Variants in WDR45B observed in about 807,000 individuals in gnomAD.
The protein encoded by WDR45B is WD repeat domain 45B, also known as WD repeat domain phosphoinositide-interacting protein 3.
Under a neutral mutation model 44.6 loss-of-function variants are expected in WDR45B, and 20 were observed. The observed-to-expected ratio is 0.45, with a 90% CI of 0.32 to 0.65. WDR45B has a LOEUF of 0.65. WDR45B is among the 30% of genes least tolerant of loss of function. The pLI is 0.05. For missense variants in WDR45B, 323 were observed against 430.2 expected, an observed-to-expected ratio of 0.75 and a Z score of 2.20; for synonymous variants, 169 against 164.9, an observed-to-expected ratio of 1.02 and a Z score of -0.19.
intron 2 of WDR45B, among the ~76,000 whole-genome samples, chr17:82,631,376 T>G (rs111375700): frequency 1.4e-5 from 2 of 142,658 alleles, no homozygotes; most frequent in Admixed American, 1.5e-4. Flanking sequence ...CTCCACCTCC[T>G]GGGTTCAAGC....
At chr17:82,641,355 G>A (rs890051423) in intron 2 of WDR45B, among the ~76,000 whole-genome samples, 8 of 152,176 alleles carry the variant, frequency 5.3e-5, no homozygotes, top group African/African-American at 9.7e-5. Flanking sequence ...GTGGTGTTAT[G>A]AGAGAGACAC....
intron 2 of WDR45B, among the ~76,000 whole-genome samples, chr17:82,638,837 T>C (rs1448293612): frequency 2.6e-5 from 4 of 152,008 alleles, no homozygotes; most frequent in Non-Finnish European, 1.5e-5. Flanking sequence ...TTATGTACTT[T>C]TTTTGAGACA....
In WDR45B at chr17:82,627,195, C is replaced by T. The variant is rs778836955; in HGVS notation, c.332+9G>A. ...TACCACTTTAAAAAATTACTGACAC[C>T]AAACCCACCTATCTCGCCGCAGCTT... On this transcript the variant is annotated intron_variant, in intron 4 of 9. Coordinates refer to ENST00000392325, the MANE Select transcript of WDR45B (RefSeq NM_019613.4). 3 of 1,610,404 alleles carry T rather than the reference C, an allele frequency of 1.9e-6. No individual in the cohort carries two copies. Among genetic ancestry groups the T allele is most frequent in the Non-Finnish European group, 2.5e-6 (3 of 1,177,674 alleles).
intron 2 of WDR45B, among the ~76,000 whole-genome samples, chr17:82,642,728 G>T (rs2045933050): frequency 6.6e-6 from 1 of 152,150 alleles, no homozygotes; most frequent in South Asian, 2.1e-4. Flanking sequence ...TGTGTGGGGA[G>T]AAATTCCCCA....
In WDR45B at chr17:82,644,005, A is replaced by G; in HGVS notation, c.86T>C (p.Met29Thr). The change falls in exon 2 of 10, where the codon ATG becomes ACG. Residue 29 changes from methionine (M) to threonine (T), a missense_variant. Transcript: ENST00000392325. The part of the protein sequence containing the change: ...NQDHGCFACG[M>T]ENGFRVYNTD... ...GTTATAGACTCGGAATCCATTTTCC[A>G]TCCCACACGCAAAGCATCCTAAAGC... 6.2e-7 allele frequency: 1 copy of G among 1,614,156 alleles called. No homozygotes were observed. Among genetic ancestry groups the G allele is most frequent in the Admixed American group, 1.7e-5 (1 of 60,018 alleles).
At chr17:82,629,647 T>C in intron 3 of WDR45B, 1 of 985,440 alleles carries the variant, frequency 1.0e-6, no homozygotes, top group East Asian at 1.1e-4. Context: ...AAAACAAAAA[T>C]AAATGTATCA....
In WDR45B at chr17:82,643,991, G is replaced by A. The variant is rs1391857942; in HGVS notation, c.100C>T (p.Arg34Ter). 3.7e-6 allele frequency: 6 copies of A among 1,613,886 alleles called. No individual in the cohort carries two copies. Among genetic ancestry groups the A allele is most frequent in the Non-Finnish European group, 4.2e-6 (5 of 1,180,010 alleles). Reference protein sequence around the residue: ...CFACGMENGFRVYNTDPLKEK... With the variant: ...CFACGMENGF ...TTTAGTGGATCAGTGTTATAGACTC[G>A]GAATCCATTTTCCATCCCACACGCA... The change falls in exon 2 of 10, where the codon CGA (arginine) becomes TGA (stop). Residue 34 changes from arginine to a stop codon, truncating the protein, a stop_gained. Coordinates refer to ENST00000392325, the MANE Select transcript of WDR45B (RefSeq NM_019613.4). LOFTEE classifies it high-confidence loss of function.
chr17:82,624,908 G>C (rs752587991), intron 5 of WDR45B, among the ~76,000 whole-genome samples: 1 of 151,988 alleles, frequency 6.6e-6, no homozygotes, highest in South Asian at 2.1e-4. Flanking sequence ...GTGAGCCACC[G>C]CGCCCGGCCA....
intron 2 of WDR45B, among the ~76,000 whole-genome samples, chr17:82,638,633 C>A (rs191496519): frequency 2.0e-5 from 3 of 152,042 alleles, no homozygotes; most frequent in Admixed American, 2.0e-4. Flanking sequence ...TGAAAATCAA[C>A]CATTCTAGCA....
intron 2 of WDR45B, among the ~76,000 whole-genome samples, chr17:82,637,585 G>A (rs2045849690): frequency 6.6e-6 from 1 of 152,018 alleles, no homozygotes; most frequent in Admixed American, 6.5e-5. Context: ...CAAAACTTCT[G>A]ACTGACCAGC....
At chr17:82,617,718 C>T (rs1042716192) in intron 7 of WDR45B, among the ~76,000 whole-genome samples, 1 of 152,140 alleles carries the variant, frequency 6.6e-6, no homozygotes, top group Non-Finnish European at 1.5e-5. Context: ...CTCAGGGCTG[C>T]TCTCACAAGA....
intron 2 of WDR45B, among the ~76,000 whole-genome samples, chr17:82,639,778 T>C (rs966569672): frequency 1.5e-5 from 2 of 130,798 alleles, no homozygotes; most frequent in African/African-American, 6.2e-5. Flanking sequence ...TGCTGGGCTG[T>C]GTGTGTGTGG....
intron 3 of WDR45B, chr17:82,630,093 G>C: frequency 1.6e-6 from 1 of 636,158 alleles, no homozygotes; most frequent in Non-Finnish European, 2.0e-6. Flanking sequence ...ACTGGGCTCA[G>C]ACGAGGATGC....
At chr17:82,642,734 C>T (rs1258988208) in intron 2 of WDR45B, among the ~76,000 whole-genome samples, 2 of 152,116 alleles carry the variant, frequency 1.3e-5, no homozygotes, top group Admixed American at 1.3e-4. Context: ...GGGAGAAATT[C>T]CCCACATTCA....
chr17:82,629,688 T>C lies in WDR45B; in HGVS notation c.244+1233A>G, dbSNP rs977375257. 3 of 984,862 alleles carry C rather than the reference T, an allele frequency of 3.0e-6. No homozygotes were observed. In the African/African-American group the frequency reaches 5.3e-5, roughly 17 times the overall value. The allele number at this position is 984,862 out of a possible 1,614,324, so 61.0% of individuals were successfully genotyped here. A position where few individuals can be genotyped will look rare whatever the true frequency, so the allele number is the denominator to read the frequency against. The stretch of plus-strand genomic sequence containing the variant: ...GGCCAGTCCTCACCCGAGTGTGGTC[T>C]CTCTTCCGCACATTCACGTTCACGC... On this transcript the variant is annotated intron_variant, in intron 3 of 9. Transcript: ENST00000392325.
intron 3 of WDR45B, among the ~76,000 whole-genome samples, chr17:82,628,524 G>C (rs2045727748): frequency 6.6e-6 from 1 of 151,876 alleles, no homozygotes; most frequent in South Asian, 2.1e-4. Flanking sequence ...GATCGCTTGA[G>C]GCCAAGAGTT....
intron 3 of WDR45B, chr17:82,629,916 G>T: frequency 1.0e-6 from 1 of 985,006 alleles, no homozygotes; most frequent in South Asian, 4.7e-5. Flanking sequence ...CCCCATCCTG[G>T]TCTTGATTCT....
intron 7 of WDR45B, 75 bp downstream of exon 7, chr17:82,618,968 C>T (rs1017840354): frequency 1.4e-6 from 2 of 1,441,446 alleles, no homozygotes; most frequent in African/African-American, 2.8e-5. Context: ...CCTACCCCCT[C>T]TCCCAAATCC....
At chr17:82,634,616 T>C (rs537838216) in intron 2 of WDR45B, among the ~76,000 whole-genome samples, 2 of 152,106 alleles carry the variant, frequency 1.3e-5, no homozygotes, top group South Asian at 4.1e-4. Context: ...AGCAGCATCA[T>C]TCACAATAGC....
Sources: allele counts gnomAD v4.1 joint callset (sites outside exome capture counted in the v4.1 genomes callset), GRCh38; gene constraint gnomAD v4.1.1; transcripts MANE v1.5; gene names NCBI Gene and HGNC (gene_info 2026-07-23, HGNC 2026-07-21).